The following TMEM132D variants were observed in gnomAD, a reference collection of about 807,000 sequenced individuals.
The protein encoded by TMEM132D is mature OL transmembrane protein.
TMEM132D carries 21 observed loss-of-function variants against 62.3 expected under a neutral mutation model. The observed-to-expected ratio is 0.34, with a 90% CI of 0.24 to 0.49. The LOEUF (loss-of-function observed/expected upper bound fraction) is 0.49, where lower values mean the gene tolerates loss of function less well. TMEM132D is among the 20% of genes least tolerant of loss of function. The pLI is 0.99. For missense variants in TMEM132D, 1,346 were observed against 1,402.8 expected (o/e 0.96, Z 0.65); for synonymous variants, 621 against 575.6 (o/e 1.08, Z -1.13).
At chr12:129,869,742 G>A (rs989425226) in intron 1 of TMEM132D, among the ~76,000 whole-genome samples, 1 of 152,202 alleles carries the variant, frequency 6.6e-6, no homozygotes, top group African/African-American at 2.4e-5. Context: ...GAACTCTGCA[G>A]TATCAAGTGG....
At chr12:129,666,945 T>C (rs867048581) in intron 2 of TMEM132D, among the ~76,000 whole-genome samples, 2 of 152,306 alleles carry the variant, frequency 1.3e-5, no homozygotes, top group Middle Eastern at 3.4e-3. Context: ...TAACTTAGAG[T>C]AACGGGACAA....
chr12:129,413,533 T>C (rs1872029579), intron 3 of TMEM132D, among the ~76,000 whole-genome samples: 1 of 109,952 alleles, frequency 9.1e-6, no homozygotes, highest in Non-Finnish European at 1.9e-5. Flanking sequence ...ATAAAATGGA[T>C]TTGGGGGATG....
intron 4 of TMEM132D, among the ~76,000 whole-genome samples, chr12:129,291,842 G>T (rs979930564): frequency 1.3e-5 from 2 of 152,130 alleles, no homozygotes; most frequent in African/African-American, 4.8e-5. Flanking sequence ...CTAAGCAGAG[G>T]CTAGGAGGCT....
At chr12:129,372,098 C>A (rs1455134085) in intron 3 of TMEM132D, among the ~76,000 whole-genome samples, 4 of 152,180 alleles carry the variant, frequency 2.6e-5, no homozygotes, top group Admixed American at 2.6e-4. Flanking sequence ...AGAAGATGGA[C>A]CCTTACCAGG....
intron 4 of TMEM132D, among the ~76,000 whole-genome samples, chr12:129,244,165 C>A (rs1179856751): frequency 6.6e-6 from 1 of 152,060 alleles, no homozygotes; most frequent in Non-Finnish European, 1.5e-5. Context: ...GCGGGCAGAT[C>A]ACAAAGTCAG....
intron 3 of TMEM132D, among the ~76,000 whole-genome samples, chr12:129,342,152 A>G (rs1278489417): frequency 1.3e-5 from 2 of 152,250 alleles, no homozygotes; most frequent in African/African-American, 4.8e-5. Flanking sequence ...AGCTGGAGGC[A>G]TCACGCTACC....
At chr12:129,796,829 G>A (rs1352854522) in intron 1 of TMEM132D, among the ~76,000 whole-genome samples, 1 of 152,144 alleles carries the variant, frequency 6.6e-6, no homozygotes, top group Non-Finnish European at 1.5e-5. Flanking sequence ...GTATACCTAT[G>A]TAACCAACCT....
chr12:129,081,003 C>T (rs1874428883), intron 7 of TMEM132D, among the ~76,000 whole-genome samples: 1 of 152,140 alleles, frequency 6.6e-6, no homozygotes. Flanking sequence ...AGGTTCTCAT[C>T]AGGCCCGCGG....
At chr12:129,506,237 A>G (rs988189724) in intron 3 of TMEM132D, among the ~76,000 whole-genome samples, 17 of 152,084 alleles carry the variant, frequency 1.1e-4, no homozygotes, top group Admixed American at 7.9e-4. Context: ...AAATTCTCTC[A>G]CCATTTGTTT....
At chr12:129,543,732 C>T (rs547516044) in intron 2 of TMEM132D, among the ~76,000 whole-genome samples, 1 of 152,158 alleles carries the variant, frequency 6.6e-6, no homozygotes, top group Non-Finnish European at 1.5e-5. Flanking sequence ...ATAAGTTGAA[C>T]CACCATAAGC....
intron 2 of TMEM132D, among the ~76,000 whole-genome samples, chr12:129,686,081 C>G (rs1321691212): frequency 6.6e-6 from 1 of 152,130 alleles, no homozygotes; most frequent in African/African-American, 2.4e-5. Flanking sequence ...AAACTTTGAA[C>G]TTGGACTTCT....
chr12:129,640,152 C>T (rs1879605313), intron 2 of TMEM132D, among the ~76,000 whole-genome samples: 1 of 152,118 alleles, frequency 6.6e-6, no homozygotes. Context: ...TTTCCCCTAC[C>T]ATTTCTCCTT....
intron 5 of TMEM132D, among the ~76,000 whole-genome samples, chr12:129,174,915 T>A (rs1877859377): frequency 6.6e-6 from 1 of 152,212 alleles, no homozygotes; most frequent in African/African-American, 2.4e-5. Flanking sequence ...GCCCATTTTT[T>A]GAGGGGGTTG....
At chr12:129,755,454 T>A (rs1228376996) in intron 1 of TMEM132D, among the ~76,000 whole-genome samples, 3 of 152,180 alleles carry the variant, frequency 2.0e-5, no homozygotes, top group Non-Finnish European at 4.4e-5. Flanking sequence ...GCAGCTGGAA[T>A]GGCTGCCCTT....
chr12:129,476,411 C>T (rs1211105442), intron 3 of TMEM132D, among the ~76,000 whole-genome samples: 1 of 152,216 alleles, frequency 6.6e-6, no homozygotes, highest in Non-Finnish European at 1.5e-5. Flanking sequence ...TGCGGACCCA[C>T]TGCACGTATG....
chr12:129,095,722 G>A (rs1332731707), intron 5 of TMEM132D, among the ~76,000 whole-genome samples: 2 of 152,126 alleles, frequency 1.3e-5, no homozygotes, highest in African/African-American at 4.8e-5. Context: ...GGGATGCACA[G>A]GGGAACGGTC....
chr12:129,164,981 A>C (rs966100957), intron 5 of TMEM132D, among the ~76,000 whole-genome samples: 2 of 152,240 alleles, frequency 1.3e-5, no homozygotes, highest in African/African-American at 4.8e-5. Context: ...TAAAAGCTGG[A>C]ATCCCCTGAG....
In TMEM132D at chr12:129,183,683, G is replaced by A. The variant is rs187071563; in HGVS notation, c.1443+25837C>T. Among the ~76,000 whole-genome samples, 59 of 152,380 alleles carry A rather than the reference G, an allele frequency of 3.9e-4. No homozygotes were observed. In the South Asian group the frequency reaches 6.8e-3, roughly 18 times the overall value. On this transcript the variant is annotated intron_variant, in intron 5 of 8. Coordinates refer to ENST00000422113, the MANE Select transcript of TMEM132D (RefSeq NM_133448.3). The stretch of plus-strand genomic sequence containing the variant: ...TCTGTTTTCTCTTGAAGAGTCCCTA[G>A]GTCTAGTAGAACTGGGCCAGTGTCT...
intron 1 of TMEM132D, among the ~76,000 whole-genome samples, chr12:129,800,130 C>T (rs2137305998): frequency 6.6e-6 from 1 of 152,308 alleles, no homozygotes; most frequent in East Asian, 1.9e-4. Flanking sequence ...TTTCTCCTAA[C>T]AAGAGAGTCT....
Sources: allele counts gnomAD v4.1 joint callset (sites outside exome capture counted in the v4.1 genomes callset), GRCh38; gene constraint gnomAD v4.1.1; transcripts MANE v1.5; gene names NCBI Gene and HGNC (gene_info 2026-07-23, HGNC 2026-07-21).